ENDOD1: variants seen among roughly 807,000 people sequenced by gnomAD.
The protein encoded by ENDOD1 is endonuclease domain containing 1.
A neutral mutation model predicts 6.5 loss-of-function variants in ENDOD1; 9 were observed. The ratio of observed to expected loss-of-function variants is 1.39; its 90% CI spans 0.84 to 2.43. The LOEUF (loss-of-function observed/expected upper bound fraction) is 2.43. Ranked by LOEUF, ENDOD1 falls within the 30% of genes most tolerant of loss-of-function variation. The pLI, the probability that ENDOD1 is intolerant of heterozygous loss-of-function variation, is 0.00. For missense variants in ENDOD1, 648 were observed against 635.5 expected (o/e 1.02, Z -0.21); for synonymous variants, 255 against 255.2 (o/e 1.00, Z 0.01).
At chr11:95,110,583 ATGTGTGTGTG>A (rs35270641) in intron 1 of ENDOD1, among the ~76,000 whole-genome samples, 3 of 147,688 alleles carry the variant, frequency 2.0e-5, no homozygotes, top group African/African-American at 5.0e-5. Flanking sequence ...CCGTGTATGT[ATGTGTGTGTG>A]TGTGTGTGTG....
At chr11:95,108,596 A>G (rs1859117111) in intron 1 of ENDOD1, among the ~76,000 whole-genome samples, 1 of 152,150 alleles carries the variant, frequency 6.6e-6, no homozygotes, top group Admixed American at 6.5e-5. Flanking sequence ...TCTATTCCCA[A>G]GAGGATAAAG....
intron 1 of ENDOD1, among the ~76,000 whole-genome samples, chr11:95,109,416 C>T (rs1859125290): frequency 6.6e-6 from 1 of 152,216 alleles, no homozygotes; most frequent in Non-Finnish European, 1.5e-5. Context: ...ATCTTATGTG[C>T]ATCAGAAGAT....
intron 1 of ENDOD1, among the ~76,000 whole-genome samples, chr11:95,119,768 G>A (rs1426563151): frequency 1.3e-5 from 2 of 152,226 alleles, no homozygotes; most frequent in Non-Finnish European, 2.9e-5. Flanking sequence ...GTTCCCCCAG[G>A]CCCTGGGCAT....
chr11:95,090,476 G>A lies in ENDOD1; in HGVS notation c.300+249G>A, dbSNP rs527570197. Among the ~76,000 whole-genome samples, 17 of 152,346 alleles carry A rather than the reference G, an allele frequency of 1.1e-4. No homozygotes were observed. In the South Asian group the frequency reaches 3.1e-3, roughly 28 times the overall value. On this transcript the variant is annotated intron_variant, in intron 1 of 1. Coordinates refer to ENST00000278505, the MANE Select transcript of ENDOD1 (RefSeq NM_015036.3). ...CTTCACTTCATGAGCTGCAGGGCGG[G>A]AGGTCCCCTGTGGGAGGAGGTTCTC...
intron 1 of ENDOD1, among the ~76,000 whole-genome samples, chr11:95,109,104 T>C (rs1565445999): frequency 6.6e-6 from 1 of 152,158 alleles, no homozygotes; most frequent in Non-Finnish European, 1.5e-5. Flanking sequence ...TTAACTCTTG[T>C]TGAAAAATAA....
intron 1 of ENDOD1, among the ~76,000 whole-genome samples, chr11:95,127,582 A>G (rs2134175711): frequency 6.6e-6 from 1 of 152,360 alleles, no homozygotes; most frequent in South Asian, 2.1e-4. Context: ...ATGTGTAAAC[A>G]TTCATTAGGA....
intron 1 of ENDOD1, among the ~76,000 whole-genome samples, chr11:95,115,082 G>A (rs1349247720): frequency 6.6e-6 from 1 of 152,104 alleles, no homozygotes; most frequent in African/African-American, 2.4e-5. Flanking sequence ...GATTGCTTTG[G>A]GTAGTATGGA....
Position 95,128,571 on chromosome 11 carries a change from A to G in ENDOD1, c.495A>G (p.Pro165=). The G allele has an allele frequency of 6.2e-7, 1 of 1,614,224 alleles. No homozygotes were observed. The highest frequency in any genetic ancestry group is 8.5e-7 in the Non-Finnish European group (1 of 1,180,028). ...VATFTLTNSA[P]MTQSFQERWY... is the part of the protein sequence containing the mutation. ...CATTTACTCTCACAAATTCAGCCCC[A>G]ATGACTCAGTCCTTCCAGGAACGGT... Residue 165 remains proline, a synonymous_variant, in exon 2 of 2, where the codon CCA becomes CCG. Coordinates refer to ENST00000278505, the MANE Select transcript of ENDOD1 (RefSeq NM_015036.3).
At chr11:95,096,357 G>T (rs1555110328) in intron 1 of ENDOD1, among the ~76,000 whole-genome samples, 1 of 143,378 alleles carries the variant, frequency 7.0e-6, no homozygotes, top group African/African-American at 2.6e-5. Flanking sequence ...ATTGCCTGTC[G>T]ATATATCTAT....
At position 95,128,456 on chromosome 11, in the gene ENDOD1, AG is replaced by A; in HGVS notation, c.381del (p.Lys127AsnfsTer4). The A allele has an allele frequency of 6.2e-7, 1 of 1,614,230 alleles. No individual in the cohort carries two copies. The highest frequency in any genetic ancestry group is 1.7e-5 in the Admixed American group (1 of 60,032). The stretch of plus-strand genomic sequence containing the variant: ...ACCTCTGTGAACAGCCTGGGAAGCA[AG>A]CAAGCCTTGAATACAGATTACCTTG... The part of the protein sequence containing the change: ...AITSVNSLGS[K>X]QALNTDYLDS... On this transcript the variant is annotated frameshift_variant, in exon 2 of 2. Coordinates refer to ENST00000278505, the MANE Select transcript of ENDOD1 (RefSeq NM_015036.3). LOFTEE classifies it low-confidence loss of function (END_TRUNC).
intron 1 of ENDOD1, among the ~76,000 whole-genome samples, chr11:95,096,637 G>C: frequency 6.6e-6 from 1 of 152,150 alleles, no homozygotes; most frequent in East Asian, 1.9e-4. Flanking sequence ...TATACTTTAA[G>C]GGCTGATTGG....
At chr11:95,101,795 TGTAGGGACCCCTTTA>T (rs556050299) in intron 1 of ENDOD1, among the ~76,000 whole-genome samples, 69 of 152,200 alleles carry the variant, frequency 4.5e-4, no homozygotes, top group African/African-American at 1.5e-3. Flanking sequence ...TGGAGAAGAG[TGTAGGGACCCCTTTA>T]GTAGGTGAGT....
At position 95,131,377 on chromosome 11, in the gene ENDOD1, G is replaced by A. The variant is rs895913135; in HGVS notation, c.*1798G>A. The stretch of plus-strand genomic sequence containing the variant: ...CAAGAATCCTGCTGGATAAAGAAAA[G>A]GAATTTTAGAAGTGACCAGAGGGAC... On this transcript the variant is annotated 3_prime_UTR_variant, in exon 2 of 2. Transcript: ENST00000278505. 4 of 152,172 alleles carry A rather than the reference G, an allele frequency of 2.6e-5. No homozygotes were observed. Among genetic ancestry groups the A allele is most frequent in the Non-Finnish European group, 5.9e-5 (4 of 68,038 alleles). 9.4% of individuals were successfully genotyped at this position (152,172 alleles called of 1,614,324 possible). A position where few individuals can be genotyped will look rare whatever the true frequency, so the allele number is the denominator to read the frequency against.
chr11:95,093,221 T>C (rs972566574), intron 1 of ENDOD1, among the ~76,000 whole-genome samples: 31 of 152,342 alleles, frequency 2.0e-4, no homozygotes, highest in African/African-American at 7.5e-4. Context: ...TGTCTCCAGC[T>C]CCAATCTAGT....
chr11:95,121,894 G>C (rs367647789), intron 1 of ENDOD1, among the ~76,000 whole-genome samples: 18 of 152,316 alleles, frequency 1.2e-4, no homozygotes, highest in African/African-American at 4.1e-4. Context: ...GGGGGATTAG[G>C]TCAGCTGGGA....
At chr11:95,092,874 C>T (rs1858944512) in intron 1 of ENDOD1, among the ~76,000 whole-genome samples, 1 of 152,226 alleles carries the variant, frequency 6.6e-6, no homozygotes, top group East Asian at 1.9e-4. Flanking sequence ...TTTTATAATG[C>T]TGAGTCTCCT....
chr11:95,097,990 G>C (rs1555110489), intron 1 of ENDOD1, among the ~76,000 whole-genome samples: 1 of 151,882 alleles, frequency 6.6e-6, no homozygotes, highest in Non-Finnish European at 1.5e-5. Flanking sequence ...GTTTCAGTTT[G>C]AAGATTTTTT....
chr11:95,111,986 G>T (rs1337616235), intron 1 of ENDOD1, among the ~76,000 whole-genome samples: 1 of 152,164 alleles, frequency 6.6e-6, no homozygotes, highest in Non-Finnish European at 1.5e-5. Context: ...TCTTAAACAA[G>T]AGGCCTCTTG....
chr11:95,126,236 G>C (rs1859310785), intron 1 of ENDOD1, among the ~76,000 whole-genome samples: 1 of 152,186 alleles, frequency 6.6e-6, no homozygotes, highest in Admixed American at 6.5e-5. Flanking sequence ...GTCTTCATTT[G>C]CCATTGCAGA....
Sources: gnomAD v4.1 joint callset for allele counts (sites outside exome capture counted in the v4.1 genomes callset) on GRCh38, gnomAD v4.1.1 for gene constraint, MANE v1.5 for transcripts, NCBI Gene and HGNC (gene_info 2026-07-23, HGNC 2026-07-21) for gene names.